CHAT: variants seen among roughly 807,000 people sequenced by gnomAD.
CHAT encodes choline O-acetyltransferase, also known as acetyl CoA:choline O-acetyltransferase.
In CHAT, 61 loss-of-function variants were observed where a neutral mutation model predicts 76.9. The observed-to-expected ratio is 0.79, with a 90% CI of 0.65 to 0.98. CHAT has a LOEUF of 0.98. Among genes scored for constraint, CHAT ranks in the 50% least tolerant of loss-of-function variants. CHAT has a pLI of 0.00. For missense variants in CHAT, 946 were observed against 986.9 expected (o/e 0.96, Z 0.56); for synonymous variants, 407 against 397.4 (o/e 1.02, Z -0.29).
intron 5 of CHAT, among the ~76,000 whole-genome samples, chr10:49,624,896 G>A (rs764171574): frequency 6.6e-6 from 1 of 151,992 alleles, no homozygotes; most frequent in African/African-American, 2.4e-5. Flanking sequence ...GGATAGATGA[G>A]TGGGTGGTGG....
intron 14 of CHAT, among the ~76,000 whole-genome samples, chr10:49,663,867 G>A (rs1169240299): frequency 6.6e-6 from 1 of 152,222 alleles, no homozygotes; most frequent in Non-Finnish European, 1.5e-5. Context: ...AAGTGCTTTG[G>A]AATGGCTTTA....
rs570203479 is a variant in CHAT at position 49,667,624 on chromosome 10, G to C, written c.*2578G>C. 8.1e-4 allele frequency among the ~76,000 whole-genome samples: 124 copies of C among 152,320 alleles called. 2 individuals carry two copies. The South Asian group carries it at 0.025, about 30-fold the overall frequency. On this transcript the variant is annotated 3_prime_UTR_variant, in exon 15 of 15. Coordinates refer to ENST00000337653, the MANE Select transcript of CHAT (RefSeq NM_020549.5). Reference sequence around the variant, plus strand: ...CATCTCTGCGGGGACCCTGGGAAAGGAGCCTGCTCCAGGTGTCCCCAAAGA... The same window carrying C: ...CATCTCTGCGGGGACCCTGGGAAAGCAGCCTGCTCCAGGTGTCCCCAAAGA...
chr10:49,619,362 A>G (rs1838613563), intron 2 of CHAT, among the ~76,000 whole-genome samples: 1 of 152,228 alleles, frequency 6.6e-6, no homozygotes, highest in South Asian at 2.1e-4. Context: ...TATGAGAGAT[A>G]GGGGTTACTA....
intron 13 of CHAT, among the ~76,000 whole-genome samples, chr10:49,656,898 G>A (rs1425703595): frequency 6.6e-6 from 1 of 152,142 alleles, no homozygotes; most frequent in African/African-American, 2.4e-5. Context: ...TCCTCTTGGT[G>A]GAAGAAACTC....
At chr10:49,635,212 C>T (rs942078904) in intron 7 of CHAT, among the ~76,000 whole-genome samples, 2 of 152,172 alleles carry the variant, frequency 1.3e-5, no homozygotes, top group Non-Finnish European at 1.5e-5. Context: ...TGGCTTTTTT[C>T]AAACAGTATA....
chr10:49,616,751 C>T (rs1838512473), intron 2 of CHAT, 149 bp downstream of exon 2: 1 of 699,020 alleles, frequency 1.4e-6, no homozygotes, highest in Non-Finnish European at 2.6e-6. Context: ...TACAGCTCCA[C>T]CCCCAGCTTG....
chr10:49,650,581 A>C (rs1276118758), intron 10 of CHAT, among the ~76,000 whole-genome samples: 2 of 152,120 alleles, frequency 1.3e-5, no homozygotes, highest in Admixed American at 1.3e-4. Flanking sequence ...CAAGTGAGAG[A>C]ATGGCCAGAG....
chr10:49,645,979 A>G (rs1029333935), intron 7 of CHAT, among the ~76,000 whole-genome samples: 6 of 152,206 alleles, frequency 3.9e-5, no homozygotes, highest in Non-Finnish European at 8.8e-5. Flanking sequence ...GGTGACCAAT[A>G]CACTTCCTTC....
rs1368752304 is a variant in CHAT at position 49,651,922 on chromosome 10, A to C, written c.1550A>C (p.Asp517Ala). 3.7e-6 allele frequency: 6 copies of C among 1,613,974 alleles called. No homozygotes were observed. In the Admixed American group the frequency reaches 5.0e-5, roughly 13 times the overall value. ...KNLDFIVYKF[D>A]NYGKTFIKKQ... is the part of the protein sequence containing the mutation. Reference sequence around the variant, plus strand: ...CTTGACTTCATTGTCTATAAGTTTGACAACTATGGGAAAACATTCATTAAG... The same window carrying C: ...CTTGACTTCATTGTCTATAAGTTTGCCAACTATGGGAAAACATTCATTAAG... The change falls in exon 11 of 15, where the codon GAC (aspartate) becomes GCC (alanine). Residue 517 changes from aspartate (D) to alanine (A), a missense_variant. Physicochemically the swap from Asp to Ala is moderately radical, Grantham distance 126. Around this residue, in one of 3 missense-constraint regions of CHAT, gnomAD observed 349 missense variants for 393.9 expected, o/e 0.89. Transcript: ENST00000337653.
chr10:49,661,328 A>G (rs1366176089), intron 13 of CHAT: 4 of 152,236 alleles, frequency 2.6e-5, no homozygotes, highest in Non-Finnish European at 5.9e-5. Context: ...AACACAAATC[A>G]GGAATTAAAT....
chr10:49,631,391 CAG>C (rs1352395526), intron 7 of CHAT, among the ~76,000 whole-genome samples: 4 of 152,164 alleles, frequency 2.6e-5, no homozygotes, highest in Non-Finnish European at 5.9e-5. Context: ...ATAAGGTGAC[CAG>C]TCATATGGGA....
chr10:49,622,181 G>A (rs1564473787), intron 5 of CHAT, 31 bp downstream of exon 5: 1 of 1,608,064 alleles, frequency 6.2e-7, no homozygotes, highest in Non-Finnish European at 8.5e-7. Flanking sequence ...CCCTGTTCCA[G>A]CACAGTCTGC....
upstream of CHAT, chr10:49,612,677 C>A (rs1223117206): frequency 6.6e-6 from 2 of 302,162 alleles, no homozygotes; most frequent in Non-Finnish European, 1.3e-5. Flanking sequence ...GCCGCTGCAC[C>A]GCGGCGCCTC....
At chr10:49,663,376 C>T (rs1186927615) in intron 14 of CHAT, among the ~76,000 whole-genome samples, 4 of 152,162 alleles carry the variant, frequency 2.6e-5, no homozygotes, top group African/African-American at 9.7e-5. Context: ...AATCTATTGC[C>T]GCGGTTTCCA....
In CHAT at chr10:49,614,066, G is replaced by A; in HGVS notation, c.-124G>A. ...GCTGAGCTAGGGGCAGGAGGCATGGGCGGGACAGTGTTCTGTGCCCCCTTC... is the reference window on the plus strand; with the variant it reads ...GCTGAGCTAGGGGCAGGAGGCATGGACGGGACAGTGTTCTGTGCCCCCTTC... On this transcript the variant is annotated 5_prime_UTR_variant, in exon 1 of 15. Transcript: ENST00000337653. The A allele has an allele frequency of 1.3e-6, 2 of 1,515,912 alleles. No homozygotes were observed. Among genetic ancestry groups the A allele is most frequent in the Non-Finnish European group, 1.8e-6 (2 of 1,126,926 alleles). The allele number at this position is 1,515,912 out of a possible 1,614,324, so 93.9% of individuals were successfully genotyped here. A position where few individuals can be genotyped will look rare whatever the true frequency, so the allele number is the denominator to read the frequency against.
chr10:49,658,184 C>A (rs1330009007), intron 13 of CHAT, among the ~76,000 whole-genome samples: 1 of 152,070 alleles, frequency 6.6e-6, no homozygotes, highest in African/African-American at 2.4e-5. Flanking sequence ...GAGATCGAGA[C>A]CAGCCTGGCC....
chr10:49,660,069 C>T (rs1163450740), intron 13 of CHAT, among the ~76,000 whole-genome samples: 2 of 152,262 alleles, frequency 1.3e-5, no homozygotes, highest in African/African-American at 4.8e-5. Context: ...GTATCTTGAT[C>T]AAACTACAAA....
At chr10:49,632,938 A>C (rs1442007920) in intron 7 of CHAT, among the ~76,000 whole-genome samples, 1 of 152,214 alleles carries the variant, frequency 6.6e-6, no homozygotes, top group Non-Finnish European at 1.5e-5. Flanking sequence ...ACGGTGCAGG[A>C]GTGTGTGCAC....
At chr10:49,649,366 G>C in intron 9 of CHAT, 142 bp from the exon 10 acceptor site, 1 of 1,143,668 alleles carries the variant, frequency 8.7e-7, no homozygotes, top group Non-Finnish European at 1.3e-6. Context: ...TCATCTGCAC[G>C]GTGGTTCAGG....
Sources: gnomAD v4.1 joint callset for allele counts (sites outside exome capture counted in the v4.1 genomes callset) on GRCh38, gnomAD v4.1.1 for gene constraint, gnomAD v4.1.1 regional missense constraint, MANE v1.5 for transcripts, NCBI Gene and HGNC (gene_info 2026-07-23, HGNC 2026-07-21) for gene names.